Variants in SHISA9 observed in about 807,000 individuals in gnomAD.
SHISA9 encodes protein shisa-9.
In SHISA9, 13 loss-of-function variants were observed where a neutral mutation model predicts 38.0. The ratio of observed to expected loss-of-function variants is 0.34; its 90% CI spans 0.22 to 0.54. The LOEUF is 0.54. Ranked by LOEUF, SHISA9 falls within the 20% of genes least tolerant of loss-of-function variation. The pLI is 0.91. For synonymous variants in SHISA9, 275 were observed against 242.0 expected (o/e 1.14, Z -1.27); for missense variants, 538 against 575.8 (o/e 0.93, Z 0.67).
chr16:13,352,699 A>AGGGAGGGGGGGG, the SHISA9 span, among the ~76,000 whole-genome samples: 1 of 6,704 alleles, frequency 1.5e-4, no homozygotes, highest in African/African-American at 3.4e-4. Flanking sequence ...AAGGGAGATA[A>AGGGAGGGGGGGG]GGGGGGGGGG....
At chr16:13,420,074 C>T in the SHISA9 span, among the ~76,000 whole-genome samples, 2 of 151,660 alleles carry the variant, frequency 1.3e-5, no homozygotes, top group African/African-American at 4.8e-5. Flanking sequence ...GGCGAAACCC[C>T]GTCTCTACTA....
chr16:13,065,646 C>T (rs1048901516), intron 2 of SHISA9, among the ~76,000 whole-genome samples: 2 of 152,174 alleles, frequency 1.3e-5, no homozygotes, highest in Admixed American at 6.5e-5. Context: ...AGGAAGGGTT[C>T]GAAGGCTTGC....
the SHISA9 span, among the ~76,000 whole-genome samples, chr16:13,392,133 C>T: frequency 1.3e-5 from 2 of 152,024 alleles, no homozygotes; most frequent in Non-Finnish European, 2.9e-5. Flanking sequence ...GTAAAGGTAC[C>T]TCGAACATCC....
At chr16:13,152,875 T>C (rs1405570629) in intron 2 of SHISA9, among the ~76,000 whole-genome samples, 1 of 152,216 alleles carries the variant, frequency 6.6e-6, no homozygotes, top group East Asian at 1.9e-4. Context: ...GAGATAAAAT[T>C]AAAGTTGCTA....
the SHISA9 span, among the ~76,000 whole-genome samples, chr16:13,483,447 C>T: frequency 6.6e-6 from 1 of 152,146 alleles, no homozygotes; most frequent in South Asian, 2.1e-4. Flanking sequence ...GAGCAGAGAA[C>T]GGGTCACAAA....
At chr16:13,187,328 C>CTTTTTTTTTTTTTT (rs372286181) in intron 2 of SHISA9, among the ~76,000 whole-genome samples, 3 of 90,684 alleles carry the variant, frequency 3.3e-5, no homozygotes, top group Admixed American at 1.3e-4. Flanking sequence ...CTTTTCTTTT[C>CTTTTTTTTTTTTTT]TTTTTTTTTT....
intron 2 of SHISA9, among the ~76,000 whole-genome samples, chr16:13,059,582 A>C (rs1307874999): frequency 6.6e-6 from 1 of 152,136 alleles, no homozygotes; most frequent in Non-Finnish European, 1.5e-5. Flanking sequence ...CTTCATACCT[A>C]GGTGATGGGT....
At chr16:13,378,082 C>G in the SHISA9 span, among the ~76,000 whole-genome samples, 4 of 152,186 alleles carry the variant, frequency 2.6e-5, no homozygotes, top group African/African-American at 9.7e-5. Context: ...GCCCTGACAT[C>G]TGTCACCCTG....
At chr16:13,132,862 T>C (rs550151742) in intron 2 of SHISA9, among the ~76,000 whole-genome samples, 2 of 152,228 alleles carry the variant, frequency 1.3e-5, no homozygotes, top group Non-Finnish European at 2.9e-5. Context: ...AAACAAAAAA[T>C]TAGGGATGGC....
At chr16:13,071,167 A>G (rs1156633225) in intron 2 of SHISA9, among the ~76,000 whole-genome samples, 2 of 152,192 alleles carry the variant, frequency 1.3e-5, no homozygotes, top group African/African-American at 4.8e-5. Context: ...AAAAATCGTC[A>G]AGATGGCAAA....
intron 4 of SHISA9, among the ~76,000 whole-genome samples, chr16:13,233,550 G>A (rs2578583): frequency 0.19 from 29,382 of 152,196 alleles, 3,102 homozygotes; most frequent in Admixed American, 0.31. Flanking sequence ...GTTTCTGTCA[G>A]CTGAGTTTCA....
chr16:13,244,017 C>T (rs141999380), downstream of SHISA9, among the ~76,000 whole-genome samples: 1,480 of 152,148 alleles, frequency 9.7e-3, 21 homozygotes, highest in African/African-American at 0.034. Flanking sequence ...GTGATCCACC[C>T]GCTTTGGCCT....
At chr16:13,103,492 A>C (rs2073898617) in intron 2 of SHISA9, among the ~76,000 whole-genome samples, 2 of 152,246 alleles carry the variant, frequency 1.3e-5, no homozygotes, top group Non-Finnish European at 2.9e-5. Context: ...AGCCAGGGAC[A>C]CAGGTGTTTG....
intron 2 of SHISA9, among the ~76,000 whole-genome samples, chr16:13,090,865 T>C (rs2073767813): frequency 6.6e-6 from 1 of 152,252 alleles, no homozygotes; most frequent in Admixed American, 6.5e-5. Flanking sequence ...TTTTGCCTGT[T>C]AATTGATGCA....
chr16:13,309,642 C>CAAA, the SHISA9 span, among the ~76,000 whole-genome samples: 21 of 65,842 alleles, frequency 3.2e-4, no homozygotes, highest in African/African-American at 1.3e-3. Context: ...GACTCAGTCT[C>CAAA]AAAAAAAAAA....
chr16:13,522,763 A>G, the SHISA9 span, among the ~76,000 whole-genome samples: 8 of 152,112 alleles, frequency 5.3e-5, no homozygotes, highest in African/African-American at 1.7e-4. Context: ...CCATCACTTT[A>G]AATTAGTTCT....
chr16:12,916,392 A>G (rs1170603181), intron 1 of SHISA9, among the ~76,000 whole-genome samples: 2 of 152,342 alleles, frequency 1.3e-5, no homozygotes, highest in East Asian at 3.9e-4. Flanking sequence ...TATGGAGTGC[A>G]GACACATTAT....
chr16:13,334,869 C>T, the SHISA9 span, among the ~76,000 whole-genome samples: 1 of 151,950 alleles, frequency 6.6e-6, no homozygotes, highest in African/African-American at 2.4e-5. Flanking sequence ...AAAATGTTTA[C>T]CAGGGAGCCT....
intron 4 of SHISA9, 110 bp downstream of exon 4, chr16:13,213,410 C>A: frequency 9.9e-7 from 1 of 1,011,068 alleles, no homozygotes; most frequent in Non-Finnish European, 1.5e-6. Flanking sequence ...ACATGTGTGT[C>A]TGCATAGGGT....
Sources: allele counts gnomAD v4.1 joint callset (sites outside exome capture counted in the v4.1 genomes callset), GRCh38; gene constraint gnomAD v4.1.1; transcripts MANE v1.5; gene names NCBI Gene and HGNC (gene_info 2026-07-23, HGNC 2026-07-21).